CNTLN: variants seen among roughly 807,000 people sequenced by gnomAD.
The protein encoded by CNTLN is centlein.
A neutral mutation model predicts 180.0 loss-of-function variants in CNTLN; 212 were observed. That is an observed-to-expected ratio of 1.18 (90% CI 1.05 to 1.32). CNTLN has a LOEUF of 1.32. Ranked by LOEUF, CNTLN falls within the 40% of genes most tolerant of loss-of-function variation. The pLI is 0.00. For missense variants in CNTLN, 2,095 were observed against 1,610.9 expected (o/e 1.30, Z -5.14); for synonymous variants, 722 against 563.1 (o/e 1.28, Z -3.99).
rs190873433 is a variant in CNTLN, at chr9:17,236,567, T to G, written c.828T>G (p.Tyr276Ter). ...AAGCACATTTGAGAAAAGAAAAATATAGCACTGATGCAAAAATAAAGGTAT... is the reference window on the plus strand; with the variant it reads ...AAGCACATTTGAGAAAAGAAAAATAGAGCACTGATGCAAAAATAAAGGTAT... ...KQEAHLRKEK[Y>*]STDAKIKTFE... Residue 276 changes from tyrosine (Y) to a stop codon, truncating the protein, a stop_gained, in exon 5 of 26, where the codon TAT (tyrosine) becomes TAG (stop). Transcript: ENST00000380647. LOFTEE classifies it high-confidence loss of function. 6.2e-7 allele frequency: 1 copy of G among 1,609,956 alleles called. No individual in the cohort carries two copies. Among genetic ancestry groups the G allele is most frequent in the East Asian group, 2.2e-5 (1 of 44,828 alleles).
intron 23 of CNTLN, among the ~76,000 whole-genome samples, chr9:17,481,029 T>C (rs1004944955): frequency 1.3e-5 from 2 of 152,000 alleles, no homozygotes; most frequent in African/African-American, 4.8e-5. Flanking sequence ...CTGCCCACCT[T>C]GAGACCTGGA....
intron 15 of CNTLN, among the ~76,000 whole-genome samples, chr9:17,401,331 A>G (rs1826956103): frequency 6.6e-6 from 1 of 152,172 alleles, no homozygotes; most frequent in Admixed American, 6.5e-5. Flanking sequence ...TCATTGTCTG[A>G]CTACCTAATA....
intron 2 of CNTLN, among the ~76,000 whole-genome samples, chr9:17,218,946 C>T (rs1306651625): frequency 2.6e-5 from 4 of 151,986 alleles, no homozygotes; most frequent in Non-Finnish European, 5.9e-5. Flanking sequence ...CTTAATGATT[C>T]AGAATAATTT....
At chr9:17,493,635 G>C (rs1313796007) in intron 25 of CNTLN, among the ~76,000 whole-genome samples, 1 of 152,090 alleles carries the variant, frequency 6.6e-6, no homozygotes, top group Non-Finnish European at 1.5e-5. Context: ...TCTAGATTTA[G>C]AGCTAGATTT....
At chr9:17,292,138 C>T (rs1829458183) in intron 6 of CNTLN, among the ~76,000 whole-genome samples, 1 of 152,214 alleles carries the variant, frequency 6.6e-6, no homozygotes, top group South Asian at 2.1e-4. Context: ...CCAATCTCTT[C>T]TCGCTTGTAG....
At chr9:17,492,461 G>A (rs552512404) in intron 25 of CNTLN, among the ~76,000 whole-genome samples, 5 of 152,230 alleles carry the variant, frequency 3.3e-5, no homozygotes, top group Admixed American at 3.3e-4. Context: ...TCTATTTGAA[G>A]TTAGCAGTAC....
chr9:17,168,084 A>G (rs1820199590), intron 2 of CNTLN: 1 of 152,162 alleles, frequency 6.6e-6, no homozygotes, highest in African/African-American at 2.4e-5. Context: ...AAATGTATAT[A>G]ATAGTTTTTG....
intron 18 of CNTLN, among the ~76,000 whole-genome samples, chr9:17,453,446 C>G (rs1461112524): frequency 6.6e-6 from 1 of 152,076 alleles, no homozygotes; most frequent in Admixed American, 6.6e-5. Flanking sequence ...GGGATACTTT[C>G]TTGAGATGGG....
chr9:17,220,744 G>T (rs964016144), intron 2 of CNTLN, among the ~76,000 whole-genome samples: 1 of 152,120 alleles, frequency 6.6e-6, no homozygotes, highest in Non-Finnish European at 1.5e-5. Flanking sequence ...ATGACCTTCA[G>T]CTCCATCCCT....
intron 5 of CNTLN, among the ~76,000 whole-genome samples, chr9:17,266,853 A>G (rs1204742258): frequency 1.3e-5 from 2 of 152,024 alleles, no homozygotes; most frequent in African/African-American, 4.8e-5. Context: ...AGAGACTAGG[A>G]TTGCAACCCC....
At chr9:17,215,794 T>C (rs1823706883) in intron 2 of CNTLN, among the ~76,000 whole-genome samples, 1 of 152,126 alleles carries the variant, frequency 6.6e-6, no homozygotes, top group South Asian at 2.1e-4. Context: ...TGCAGTTCGA[T>C]CTCAGACTGC....
chr9:17,335,200 C>T (rs541714809), intron 10 of CNTLN, among the ~76,000 whole-genome samples: 19 of 152,300 alleles, frequency 1.2e-4, no homozygotes, highest in Admixed American at 1.2e-3. Flanking sequence ...CATCTAGGAA[C>T]CTTTGTTCAA....
At chr9:17,422,224 G>A (rs1262917914) in intron 18 of CNTLN, among the ~76,000 whole-genome samples, 2 of 151,922 alleles carry the variant, frequency 1.3e-5, no homozygotes, top group African/African-American at 4.8e-5. Context: ...CTCTTTCCTG[G>A]CCTGTAAGGT....
At chr9:17,304,823 G>A (rs1456464718) in intron 7 of CNTLN, among the ~76,000 whole-genome samples, 1 of 151,942 alleles carries the variant, frequency 6.6e-6, no homozygotes, top group Non-Finnish European at 1.5e-5. Flanking sequence ...AAGTAATCCG[G>A]AGATGGTTTA....
At chr9:17,423,222 G>C (rs1828848598) in intron 18 of CNTLN, among the ~76,000 whole-genome samples, 1 of 152,150 alleles carries the variant, frequency 6.6e-6, no homozygotes, top group Non-Finnish European at 1.5e-5. Flanking sequence ...CTAGTGCCTG[G>C]CTGCCACTGA....
At chr9:17,349,271 G>T (rs966525864) in intron 12 of CNTLN, among the ~76,000 whole-genome samples, 2 of 152,110 alleles carry the variant, frequency 1.3e-5, no homozygotes, top group Non-Finnish European at 2.9e-5. Flanking sequence ...AGAAGTTTCA[G>T]CTTGTTTTTC....
chr9:17,245,647 T>C lies in CNTLN; in HGVS notation c.849+9059T>C, dbSNP rs1369879169. Reference sequence around the variant, plus strand: ...AATATATTTTCTAGCCTGACCTCTCTCTACCTCTCTTTAAGGCAAGTAATT... The same window carrying C: ...AATATATTTTCTAGCCTGACCTCTCCCTACCTCTCTTTAAGGCAAGTAATT... On this transcript the variant is annotated intron_variant, in intron 5 of 25. Coordinates refer to ENST00000380647, the MANE Select transcript of CNTLN (RefSeq NM_017738.4). 2.6e-5 allele frequency among the ~76,000 whole-genome samples: 4 copies of C among 152,126 alleles called. No homozygotes were observed. In the East Asian group the frequency reaches 7.7e-4, roughly 29 times the overall value.
At chr9:17,288,509 A>G (rs1488322640) in intron 6 of CNTLN, among the ~76,000 whole-genome samples, 1 of 142,780 alleles carries the variant, frequency 7.0e-6, no homozygotes, top group Non-Finnish European at 1.5e-5. Context: ...AGAGTTCTGT[A>G]GATGTCTATT....
chr9:17,348,542 T>G (rs1255242642), intron 12 of CNTLN, among the ~76,000 whole-genome samples: 4 of 151,434 alleles, frequency 2.6e-5, no homozygotes, highest in Non-Finnish European at 5.9e-5. Context: ...CTTTTTTTTT[T>G]TTTTTTGAGA....
Sources: allele counts gnomAD v4.1 joint callset (sites outside exome capture counted in the v4.1 genomes callset), GRCh38; gene constraint gnomAD v4.1.1; transcripts MANE v1.5; gene names NCBI Gene and HGNC (gene_info 2026-07-23, HGNC 2026-07-21).